ADGRL2: variants seen among roughly 807,000 people sequenced by gnomAD.
The protein encoded by ADGRL2 is calcium-independent alpha-latrotoxin receptor 2.
ADGRL2 carries 44 observed loss-of-function variants against 157.4 expected under a neutral mutation model. The ratio of observed to expected loss-of-function variants is 0.28; its 90% confidence interval spans 0.22 to 0.36. The LOEUF (loss-of-function observed/expected upper bound fraction) is 0.36, where lower values mean the gene tolerates loss of function less well. Ranked by LOEUF, ADGRL2 falls within the 10% of genes least tolerant of loss-of-function variation. ADGRL2 has a pLI of 1.00. For synonymous variants in ADGRL2, 585 were observed against 624.7 expected (o/e 0.94, Z 0.95); for missense variants, 1,510 against 1,768.9 (o/e 0.85, Z 2.63).
intron 2 of ADGRL2, among the ~76,000 whole-genome samples, chr1:81,498,091 T>A (rs2078768250): frequency 6.6e-6 from 1 of 152,178 alleles, no homozygotes; most frequent in South Asian, 2.1e-4. Context: ...TCATTATGAA[T>A]GAGCTACTGT....
At chr1:81,406,141 G>A (rs551599442) in intron 1 of ADGRL2, among the ~76,000 whole-genome samples, 3 of 152,276 alleles carry the variant, frequency 2.0e-5, no homozygotes, top group African/African-American at 7.2e-5. Context: ...CAGTATGAAA[G>A]ATTTAGGCTA....
intron 1 of ADGRL2, among the ~76,000 whole-genome samples, chr1:81,409,630 T>C (rs372970398): frequency 3.3e-5 from 5 of 152,238 alleles, no homozygotes; most frequent in African/African-American, 9.6e-5. Flanking sequence ...GATCATTTTC[T>C]TGCTTTAAAT....
At chr1:81,784,028 A>T (rs2086925565) in intron 2 of ADGRL2, among the ~76,000 whole-genome samples, 1 of 152,204 alleles carries the variant, frequency 6.6e-6, no homozygotes, top group Non-Finnish European at 1.5e-5. Context: ...TAACATGCTT[A>T]AAAATGCACA....
At chr1:81,886,321 A>G (rs1414249256) in intron 2 of ADGRL2, among the ~76,000 whole-genome samples, 1 of 151,938 alleles carries the variant, frequency 6.6e-6, no homozygotes, top group Admixed American at 6.6e-5. Context: ...ACAGGCATGC[A>G]CCACCACACC....
At chr1:81,602,624 C>T (rs377581127) in intron 3 of ADGRL2, among the ~76,000 whole-genome samples, 1 of 149,942 alleles carries the variant, frequency 6.7e-6, no homozygotes, top group African/African-American at 2.5e-5. Flanking sequence ...TTAGGCTGGA[C>T]ATGGTGGCTC....
intron 1 of ADGRL2, among the ~76,000 whole-genome samples, chr1:81,356,703 C>T (rs969708734): frequency 2.0e-5 from 3 of 152,008 alleles, no homozygotes; most frequent in African/African-American, 7.2e-5. Flanking sequence ...CCTGTAATCC[C>T]AGCACTTTTG....
At chr1:81,355,790 A>G (rs566593607) in intron 1 of ADGRL2, among the ~76,000 whole-genome samples, 1 of 152,286 alleles carries the variant, frequency 6.6e-6, no homozygotes, top group African/African-American at 2.4e-5. Context: ...ATGTGTCATT[A>G]CCAGGAGAAT....
At chr1:81,873,312 A>T (rs1260271374) in intron 2 of ADGRL2, among the ~76,000 whole-genome samples, 1 of 152,138 alleles carries the variant, frequency 6.6e-6, no homozygotes, top group Non-Finnish European at 1.5e-5. Flanking sequence ...AAGGATTATC[A>T]TTAGCCTCTT....
At chr1:81,661,092 C>A (rs903920288) in intron 3 of ADGRL2, among the ~76,000 whole-genome samples, 4 of 152,100 alleles carry the variant, frequency 2.6e-5, no homozygotes, top group Non-Finnish European at 5.9e-5. Context: ...CTTTTTACAC[C>A]AGCTCCTCTT....
At position 81,990,983 on chromosome 1, in the gene ADGRL2, C is replaced by T; in HGVS notation, c.4248C>T (p.Tyr1416=). ...PSRRSENEDI[Y]YKSMPNLGAG... is the part of the protein sequence containing the mutation. ...GGAGGAGTGAGAATGAGGACATTTA[C>T]TATAAAAGCATGCCAAATCTTGGAG... The change falls in exon 24 of 24, where the codon TAC becomes TAT. Residue 1416 remains tyrosine, a synonymous_variant. Coordinates refer to ENST00000686636, the MANE Select transcript of ADGRL2 (RefSeq NM_001366006.2). 2 of 1,614,044 alleles carry T rather than the reference C, an allele frequency of 1.2e-6. No individual in the cohort carries two copies. Among genetic ancestry groups the T allele is most frequent in the African/African-American group, 1.3e-5 (1 of 75,030 alleles).
At chr1:81,867,583 T>A (rs1285149357) in intron 2 of ADGRL2, among the ~76,000 whole-genome samples, 1 of 152,212 alleles carries the variant, frequency 6.6e-6, no homozygotes, top group African/African-American at 2.4e-5. Flanking sequence ...TAATGTCTGA[T>A]TATCTGTAGG....
chr1:81,754,557 CTCTT>C (rs148011666), intron 1 of ADGRL2, among the ~76,000 whole-genome samples: 19,435 of 136,848 alleles, frequency 0.14, 1,532 homozygotes, highest in Admixed American at 0.19. Context: ...CTTTCTTTCT[CTCTT>C]TCTTTCTTTC....
chr1:81,980,871 G>A (rs537442095), intron 18 of ADGRL2: 12 of 639,364 alleles, frequency 1.9e-5, no homozygotes, highest in Non-Finnish European at 3.5e-5. Flanking sequence ...ACAAATTTAT[G>A]GCATGATTTG....
At chr1:81,431,253 G>A (rs913005142) in intron 1 of ADGRL2, among the ~76,000 whole-genome samples, 2 of 152,096 alleles carry the variant, frequency 1.3e-5, no homozygotes, top group African/African-American at 2.4e-5. Context: ...TTCTTTAAGA[G>A]AAAAGGAGAA....
At chr1:81,311,639 G>A (rs1659762621) in intron 1 of ADGRL2, among the ~76,000 whole-genome samples, 1 of 152,070 alleles carries the variant, frequency 6.6e-6, no homozygotes, top group African/African-American at 2.4e-5. Context: ...AATTTGAGAG[G>A]AACATCTATC....
rs116104985 is a variant in ADGRL2, at chr1:81,775,991, C to G, written c.-101+14139C>G. 3.6e-3 allele frequency among the ~76,000 whole-genome samples: 547 copies of G among 152,050 alleles called. 7 individuals carry two copies. Among genetic ancestry groups the G allele is most frequent in the African/African-American group, 0.013 (525 of 41,498 alleles). The stretch of plus-strand genomic sequence containing the variant: ...GTCCTTGGGTTACTTTTTTCTGGTA[C>G]CTATTTTAAACATTCTGGATCTTTC... On this transcript the variant is annotated intron_variant, in intron 2 of 20. Coordinates refer to the ADGRL2 transcript ENST00000359929.
chr1:81,759,746 A>C (rs1255339122), intron 1 of ADGRL2, among the ~76,000 whole-genome samples: 2 of 152,110 alleles, frequency 1.3e-5, no homozygotes, highest in Non-Finnish European at 2.9e-5. Flanking sequence ...CTGTTTAAGT[A>C]TAATATTCTA....
intron 1 of ADGRL2, among the ~76,000 whole-genome samples, chr1:81,714,716 T>C (rs191308215): frequency 4.4e-4 from 67 of 152,256 alleles, no homozygotes; most frequent in Non-Finnish European, 5.0e-4. Flanking sequence ...GGGGAGAGAA[T>C]TTTGAGAAGT....
At chr1:81,371,387 G>A (rs1212077323) in intron 1 of ADGRL2, among the ~76,000 whole-genome samples, 1 of 152,142 alleles carries the variant, frequency 6.6e-6, no homozygotes, top group African/African-American at 2.4e-5. Flanking sequence ...GGATGATAAG[G>A]AAAGAAAAGT....
Sources: gnomAD v4.1 joint callset for allele counts (sites outside exome capture counted in the v4.1 genomes callset) on GRCh38, gnomAD v4.1.1 for gene constraint, MANE v1.5 for transcripts, NCBI Gene and HGNC (gene_info 2026-07-23, HGNC 2026-07-21) for gene names.